HS3ST4: variants seen among roughly 807,000 people sequenced by gnomAD.
The protein encoded by HS3ST4 is heparan sulfate glucosamine 3-O-sulfotransferase 4.
A neutral mutation model predicts 29.2 loss-of-function variants in HS3ST4; 17 were observed. The ratio of observed to expected loss-of-function variants is 0.58; its 90% CI spans 0.40 to 0.87. HS3ST4 has a LOEUF of 0.87. Among genes scored for constraint, HS3ST4 ranks in the 40% least tolerant of loss-of-function variants. The pLI is 0.00. For missense variants in HS3ST4, 627 were observed against 634.5 expected (o/e 0.99, Z 0.13); for synonymous variants, 314 against 285.7 (o/e 1.10, Z -1.00).
intron 1 of HS3ST4, among the ~76,000 whole-genome samples, chr16:25,883,868 A>G (rs2141665298): frequency 6.6e-6 from 1 of 152,310 alleles, no homozygotes; most frequent in Middle Eastern, 3.4e-3. Flanking sequence ...TAATCTCAGC[A>G]CTTTGGGAGG....
chr16:26,109,276 G>C (rs1013318455), intron 1 of HS3ST4, among the ~76,000 whole-genome samples: 6 of 152,104 alleles, frequency 3.9e-5, no homozygotes, highest in Admixed American at 3.9e-4. Flanking sequence ...CTATTTCAGC[G>C]GCCCCGTTTC....
At chr16:25,850,527 A>G (rs1364407494) in intron 1 of HS3ST4, among the ~76,000 whole-genome samples, 1 of 152,174 alleles carries the variant, frequency 6.6e-6, no homozygotes, top group East Asian at 1.9e-4. Context: ...CTCTTAGCAC[A>G]TTGTATTGGA....
At chr16:25,902,032 A>G (rs993874836) in intron 1 of HS3ST4, among the ~76,000 whole-genome samples, 3 of 152,114 alleles carry the variant, frequency 2.0e-5, no homozygotes, top group Non-Finnish European at 4.4e-5. Flanking sequence ...TCTGCATCAC[A>G]TCTCCACCAC....
At chr16:26,092,531 A>G (rs903238147) in intron 1 of HS3ST4, among the ~76,000 whole-genome samples, 2 of 152,182 alleles carry the variant, frequency 1.3e-5, no homozygotes, top group Non-Finnish European at 2.9e-5. Flanking sequence ...AAGATATGAC[A>G]TGAGACTTGG....
chr16:26,044,525 A>C (rs1452942511), intron 1 of HS3ST4, among the ~76,000 whole-genome samples: 1 of 152,212 alleles, frequency 6.6e-6, no homozygotes, highest in Non-Finnish European at 1.5e-5. Context: ...AAGCTCCTGC[A>C]CTTGGGTCTT....
At chr16:25,795,152 T>C (rs961895094) in intron 1 of HS3ST4, among the ~76,000 whole-genome samples, 1 of 152,026 alleles carries the variant, frequency 6.6e-6, no homozygotes, top group South Asian at 2.1e-4. Context: ...TTTGTATTTT[T>C]AGTAGAGACG....
intron 1 of HS3ST4, among the ~76,000 whole-genome samples, chr16:25,892,049 A>G (rs747072049): frequency 9.2e-5 from 14 of 152,176 alleles, no homozygotes; most frequent in Non-Finnish European, 1.8e-4. Context: ...TACTATTATT[A>G]TCATCATCAC....
chr16:25,820,225 A>G (rs1175940321), intron 1 of HS3ST4, among the ~76,000 whole-genome samples: 1 of 151,654 alleles, frequency 6.6e-6, no homozygotes, highest in Non-Finnish European at 1.5e-5. Flanking sequence ...CTTACTGACC[A>G]CCTGTGCTGT....
intron 1 of HS3ST4, among the ~76,000 whole-genome samples, chr16:25,758,688 G>T (rs1048139448): frequency 2.0e-5 from 3 of 152,220 alleles, no homozygotes; most frequent in Non-Finnish European, 4.4e-5. Flanking sequence ...AAGCTTGGTG[G>T]CTCATGCCTG....
intron 1 of HS3ST4, among the ~76,000 whole-genome samples, chr16:25,720,747 A>G (rs960795825): frequency 6.6e-6 from 1 of 152,208 alleles, no homozygotes; most frequent in African/African-American, 2.4e-5. Flanking sequence ...GAAGTCATGG[A>G]TGAATTATAG....
In HS3ST4 at chr16:25,849,927, A is replaced by C. The variant is rs140910236; in HGVS notation, c.734+156776A>C. Among the ~76,000 whole-genome samples, 27 of 151,146 alleles carry C rather than the reference A, an allele frequency of 1.8e-4. No individual in the cohort carries two copies. In the East Asian group the frequency reaches 4.7e-3, roughly 26 times the overall value. On this transcript the variant is annotated intron_variant, in intron 1 of 1. Transcript: ENST00000331351. Reference sequence around the variant, plus strand: ...TATGTTGCTAATTTAATTTAATTTTATTCTCTTTTCAATCTTTTTGGATTA... The same window carrying C: ...TATGTTGCTAATTTAATTTAATTTTCTTCTCTTTTCAATCTTTTTGGATTA...
intron 1 of HS3ST4, among the ~76,000 whole-genome samples, chr16:26,070,571 G>T (rs954242847): frequency 6.6e-6 from 1 of 152,144 alleles, no homozygotes; most frequent in Non-Finnish European, 1.5e-5. Flanking sequence ...GTTATACAGC[G>T]TCTTAGAGAT....
rs1225608832 is a variant in HS3ST4, at chr16:25,745,410, T to G, written c.734+52259T>G. ...TTAGAGCAAGCTTAGAATCAGTAATTAGAAAAACCATTTCTGAAATAACTG... is the reference window on the plus strand; with the variant it reads ...TTAGAGCAAGCTTAGAATCAGTAATGAGAAAAACCATTTCTGAAATAACTG... On this transcript the variant is annotated intron_variant, in intron 1 of 1. Coordinates refer to ENST00000331351, the MANE Select transcript of HS3ST4 (RefSeq NM_006040.3). 2.0e-5 allele frequency among the ~76,000 whole-genome samples: 3 copies of G among 152,186 alleles called. No homozygotes were observed. In the South Asian group the frequency reaches 6.2e-4, roughly 32 times the overall value.
chr16:25,736,416 G>A (rs370374709), intron 1 of HS3ST4, among the ~76,000 whole-genome samples: 45 of 152,284 alleles, frequency 3.0e-4, no homozygotes, highest in Non-Finnish European at 4.3e-4. Context: ...TGAAGATTAC[G>A]TGCTATATGG....
At chr16:26,030,801 C>T (rs1444414949) in intron 1 of HS3ST4, among the ~76,000 whole-genome samples, 1 of 152,178 alleles carries the variant, frequency 6.6e-6, no homozygotes, top group African/African-American at 2.4e-5. Flanking sequence ...CTTCTACATA[C>T]AAGCTATGTC....
At chr16:25,777,843 A>C (rs1966849058) in intron 1 of HS3ST4, among the ~76,000 whole-genome samples, 1 of 151,958 alleles carries the variant, frequency 6.6e-6, no homozygotes, top group Non-Finnish European at 1.5e-5. Context: ...GTAGACCTCC[A>C]ATATGCCAAT....
intron 1 of HS3ST4, among the ~76,000 whole-genome samples, chr16:25,935,302 C>T (rs1968507408): frequency 6.6e-6 from 1 of 152,164 alleles, no homozygotes; most frequent in Non-Finnish European, 1.5e-5. Context: ...GCAACTGATG[C>T]ACCTACATTA....
chr16:26,118,898 A>C (rs76538347), intron 1 of HS3ST4, among the ~76,000 whole-genome samples: 2 of 152,074 alleles, frequency 1.3e-5, no homozygotes, highest in Admixed American at 1.3e-4. Flanking sequence ...TTGTAACATA[A>C]TGAGACATTT....
chr16:26,120,065 GTGTGTA>G (rs965915631), intron 1 of HS3ST4, among the ~76,000 whole-genome samples: 2 of 134,040 alleles, frequency 1.5e-5, no homozygotes, highest in South Asian at 2.4e-4. Context: ...GTGTGTGTGT[GTGTGTA>G]TGTGTGTGTG....
Sources: allele counts gnomAD v4.1 joint callset (sites outside exome capture counted in the v4.1 genomes callset), GRCh38; gene constraint gnomAD v4.1.1; transcripts MANE v1.5; gene names NCBI Gene and HGNC (gene_info 2026-07-23, HGNC 2026-07-21).